Variants in EPHA6 observed in about 807,000 individuals in gnomAD.
EPHA6 encodes the protein EPH receptor A6.
A neutral mutation model predicts 112.0 loss-of-function variants in EPHA6; 50 were observed. The ratio of observed to expected loss-of-function variants is 0.45; its 90% CI spans 0.36 to 0.56. The LOEUF is 0.56. Among genes scored for constraint, EPHA6 ranks in the 20% least tolerant of loss-of-function variants. The probability of loss-of-function intolerance (pLI) is 0.00; values close to 1 mark genes in which losing one functional copy is unlikely to be tolerated. For missense variants in EPHA6, 1,280 were observed against 1,417.4 expected (o/e 0.90, Z 1.56); for synonymous variants, 529 against 490.7 (o/e 1.08, Z -1.03).
intron 3 of EPHA6, among the ~76,000 whole-genome samples, chr3:97,084,634 C>A (rs552147719): frequency 3.5e-4 from 53 of 152,106 alleles, no homozygotes; most frequent in Admixed American, 5.9e-4. Flanking sequence ...AAATCTGGAA[C>A]ACAATCCTAT....
chr3:97,479,742 T>C (rs2091475836), intron 9 of EPHA6, among the ~76,000 whole-genome samples: 2 of 152,228 alleles, frequency 1.3e-5, no homozygotes, highest in Admixed American at 6.5e-5. Context: ...GTAGGGACTG[T>C]CTTTTAAATA....
chr3:97,191,576 A>G (rs2077306778), intron 3 of EPHA6, among the ~76,000 whole-genome samples: 1 of 151,986 alleles, frequency 6.6e-6, no homozygotes, highest in Admixed American at 6.6e-5. Flanking sequence ...GCCAAATTTG[A>G]CTATCTGTGT....
intron 11 of EPHA6, among the ~76,000 whole-genome samples, chr3:97,582,507 A>G (rs2093447614): frequency 6.6e-6 from 1 of 152,128 alleles, no homozygotes; most frequent in South Asian, 2.1e-4. Context: ...TACCTCATGC[A>G]AAAAATAGCT....
intron 9 of EPHA6, chr3:97,481,291 G>C (rs756323535): frequency 6.8e-5 from 104 of 1,531,982 alleles, no homozygotes; most frequent in Non-Finnish European, 8.6e-5. Context: ...TTTTCATAAA[G>C]AGTATCCGTC....
chr3:97,182,468 C>G (rs2077015950), intron 3 of EPHA6, among the ~76,000 whole-genome samples: 1 of 151,862 alleles, frequency 6.6e-6, no homozygotes, highest in Admixed American at 6.6e-5. Flanking sequence ...CAATGACAGT[C>G]TTTACAGATT....
chr3:96,984,497 G>A (rs1426621362), intron 2 of EPHA6, among the ~76,000 whole-genome samples: 1 of 152,190 alleles, frequency 6.6e-6, no homozygotes, highest in Admixed American at 6.5e-5. Context: ...CTACTTGGGG[G>A]TGTGGGACCC....
At chr3:96,866,447 A>C (rs2036317427) in intron 1 of EPHA6, among the ~76,000 whole-genome samples, 1 of 151,996 alleles carries the variant, frequency 6.6e-6, no homozygotes. Flanking sequence ...AATCTGCTTT[A>C]ATACAGGATT....
intron 5 of EPHA6, among the ~76,000 whole-genome samples, chr3:97,314,571 A>G (rs973439796): frequency 6.6e-6 from 1 of 151,700 alleles, no homozygotes; most frequent in Non-Finnish European, 1.5e-5. Flanking sequence ...AGCTGAAACC[A>G]CCAGCATCCA....
chr3:97,742,559 T>C (rs1292086706), intron 16 of EPHA6, among the ~76,000 whole-genome samples: 1 of 152,124 alleles, frequency 6.6e-6, no homozygotes, highest in South Asian at 2.1e-4. Context: ...TAAAAAACAA[T>C]TGAAGACTTA....
At chr3:97,682,370 A>C (rs994416434) in intron 14 of EPHA6, among the ~76,000 whole-genome samples, 16 of 152,152 alleles carry the variant, frequency 1.1e-4, no homozygotes, top group African/African-American at 3.6e-4. Context: ...AAATGATTTA[A>C]ATGAAGTAAA....
At chr3:97,237,348 T>A (rs1015440498) in intron 4 of EPHA6, among the ~76,000 whole-genome samples, 2 of 152,034 alleles carry the variant, frequency 1.3e-5, no homozygotes, top group Admixed American at 6.6e-5. Context: ...TTTCCCCAAT[T>A]ATAAATTACT....
intron 3 of EPHA6, among the ~76,000 whole-genome samples, chr3:97,061,315 G>A (rs535456136): frequency 6.6e-6 from 1 of 152,226 alleles, no homozygotes; most frequent in African/African-American, 2.4e-5. Flanking sequence ...TGAGACAGAG[G>A]TACATACGGG....
chr3:96,915,471 A>G, intron 2 of EPHA6, among the ~76,000 whole-genome samples: 1 of 152,124 alleles, frequency 6.6e-6, no homozygotes, highest in African/African-American at 2.4e-5. Flanking sequence ...AATAAATTCA[A>G]GGAACACATA....
intron 5 of EPHA6, among the ~76,000 whole-genome samples, chr3:97,251,357 C>G (rs947958333): frequency 1.3e-5 from 2 of 151,852 alleles, no homozygotes; most frequent in African/African-American, 4.8e-5. Flanking sequence ...AGTGAAACCC[C>G]GTCTCTACTA....
intron 5 of EPHA6, among the ~76,000 whole-genome samples, chr3:97,307,974 C>T (rs2081389320): frequency 1.3e-5 from 2 of 151,752 alleles, no homozygotes; most frequent in East Asian, 1.9e-4. Flanking sequence ...TCTTCTCTCC[C>T]ATCAACCTTT....
intron 3 of EPHA6, among the ~76,000 whole-genome samples, chr3:97,075,168 G>A (rs969981895): frequency 1.3e-5 from 2 of 151,934 alleles, no homozygotes; most frequent in African/African-American, 2.4e-5. Flanking sequence ...GTTATACAGA[G>A]TAGAAAAGAG....
At chr3:96,903,087 G>A (rs2107578343) in intron 2 of EPHA6, among the ~76,000 whole-genome samples, 1 of 152,308 alleles carries the variant, frequency 6.6e-6, no homozygotes. Flanking sequence ...AGTGGTGCCA[G>A]AGTTGAGGGA....
At chr3:97,623,710 G>A (rs1441801911) in intron 13 of EPHA6, among the ~76,000 whole-genome samples, 1 of 151,592 alleles carries the variant, frequency 6.6e-6, no homozygotes, top group African/African-American at 2.4e-5. Context: ...GTGTTCATGA[G>A]TTAATCATTT....
chr3:97,646,594 C>T (rs1286676630), intron 14 of EPHA6, among the ~76,000 whole-genome samples: 1 of 152,008 alleles, frequency 6.6e-6, no homozygotes, highest in Non-Finnish European at 1.5e-5. Flanking sequence ...AATTATCAGT[C>T]CCAAAAAAGG....
Sources: allele counts gnomAD v4.1 joint callset (sites outside exome capture counted in the v4.1 genomes callset), GRCh38; gene constraint gnomAD v4.1.1; transcripts MANE v1.5; gene names NCBI Gene and HGNC (gene_info 2026-07-23, HGNC 2026-07-21).